WDPCP: variants seen among roughly 807,000 people sequenced by gnomAD.
WDPCP encodes WD repeat-containing and planar cell polarity effector protein fritz homolog.
A neutral mutation model predicts 93.1 loss-of-function variants in WDPCP; 71 were observed. That is an observed-to-expected ratio of 0.76 (90% CI 0.63 to 0.93). The LOEUF is 0.93. Ranked by LOEUF, WDPCP falls within the 40% of genes least tolerant of loss-of-function variation. WDPCP has a pLI of 0.00. For synonymous variants in WDPCP, 315 were observed against 315.0 expected, an observed-to-expected ratio of 1.00 and a Z score of 0.00; for missense variants, 844 against 887.4, an observed-to-expected ratio of 0.95 and a Z score of 0.62.
intron 13 of WDPCP, among the ~76,000 whole-genome samples, chr2:63,293,788 A>G (rs931296743): frequency 1.3e-5 from 2 of 152,342 alleles, no homozygotes; most frequent in South Asian, 4.1e-4. Context: ...AACTTTGAAG[A>G]CAGGACAATA....
intron 2 of WDPCP, among the ~76,000 whole-genome samples, chr2:63,710,959 A>C (rs190388716): frequency 6.6e-6 from 1 of 152,300 alleles, no homozygotes; most frequent in Admixed American, 6.5e-5. Context: ...CTGCAACATC[A>C]AGCTTCTATT....
chr2:63,810,293 T>C (rs975279397), intron 2 of WDPCP, among the ~76,000 whole-genome samples: 1 of 152,256 alleles, frequency 6.6e-6, no homozygotes, highest in Non-Finnish European at 1.5e-5. Flanking sequence ...CTATCACCTC[T>C]GTCCTGCTGT....
At chr2:63,219,595 T>C (rs762635431) in intron 14 of WDPCP, among the ~76,000 whole-genome samples, 1 of 152,274 alleles carries the variant, frequency 6.6e-6, no homozygotes, top group Non-Finnish European at 1.5e-5. Context: ...GTTAAAACTT[T>C]GGTTATTTAT....
At chr2:63,677,148 T>G (rs1710412414) in intron 2 of WDPCP, among the ~76,000 whole-genome samples, 1 of 152,228 alleles carries the variant, frequency 6.6e-6, no homozygotes, top group Non-Finnish European at 1.5e-5. Flanking sequence ...CAACCAGTAT[T>G]GAGAACCACT....
intron 14 of WDPCP, among the ~76,000 whole-genome samples, chr2:63,238,344 G>A (rs949597705): frequency 6.6e-6 from 1 of 152,080 alleles, no homozygotes; most frequent in Non-Finnish European, 1.5e-5. Flanking sequence ...TGTGACTACT[G>A]AATCTTGAAA....
intron 14 of WDPCP, among the ~76,000 whole-genome samples, chr2:63,252,778 G>C (rs546868798): frequency 6.6e-6 from 1 of 152,182 alleles, no homozygotes; most frequent in South Asian, 2.1e-4. Context: ...CCAACAAATG[G>C]AAAAACTTCC....
intron 12 of WDPCP, among the ~76,000 whole-genome samples, chr2:63,365,473 G>C (rs556842869): frequency 2.0e-5 from 3 of 152,108 alleles, no homozygotes; most frequent in Non-Finnish European, 4.4e-5. Context: ...ACAAAGTTAA[G>C]AAAAGTGAGA....
chr2:63,795,327 T>C (rs1363527830), intron 2 of WDPCP, among the ~76,000 whole-genome samples: 1 of 152,110 alleles, frequency 6.6e-6, no homozygotes, highest in African/African-American at 2.4e-5. Context: ...ACTTTGTACC[T>C]GAGCACAGCC....
At chr2:63,502,078 G>A (rs748326419) in intron 1 of WDPCP, among the ~76,000 whole-genome samples, 9 of 152,120 alleles carry the variant, frequency 5.9e-5, no homozygotes, top group Non-Finnish European at 1.2e-4. Context: ...TGTGGCATGC[G>A]GCCTTCCAGA....
intron 2 of WDPCP, among the ~76,000 whole-genome samples, chr2:63,712,509 C>A (rs900194200): frequency 1.3e-5 from 2 of 151,990 alleles, no homozygotes; most frequent in African/African-American, 4.8e-5. Flanking sequence ...AAGTGATAAC[C>A]TGGGATAAGG....
chr2:63,636,230 T>C (rs1230286859), intron 3 of WDPCP, among the ~76,000 whole-genome samples: 2 of 152,192 alleles, frequency 1.3e-5, no homozygotes, highest in Non-Finnish European at 2.9e-5. Context: ...TGGAAAGATA[T>C]CCCATGTTCA....
At chr2:63,449,378 C>G (rs967679868) in intron 6 of WDPCP, among the ~76,000 whole-genome samples, 2 of 152,282 alleles carry the variant, frequency 1.3e-5, no homozygotes, top group South Asian at 4.1e-4. Flanking sequence ...GATACCCCCC[C>G]ACTTTCCAGA....
At chr2:63,830,289 C>G (rs1671172795), upstream of WDPCP, among the ~76,000 whole-genome samples, 1 of 152,054 alleles carries the variant, frequency 6.6e-6, no homozygotes, top group Non-Finnish European at 1.5e-5. Context: ...CAGATCTTTA[C>G]TGGAACCTCA....
At chr2:63,394,395 T>C (rs1217763411) in intron 10 of WDPCP, among the ~76,000 whole-genome samples, 1 of 150,870 alleles carries the variant, frequency 6.6e-6, no homozygotes, top group East Asian at 1.9e-4. Context: ...AAACAGATGC[T>C]GGTGAGGGTG....
chr2:63,220,346 A>T (rs1245997759), intron 14 of WDPCP, among the ~76,000 whole-genome samples: 2 of 152,280 alleles, frequency 1.3e-5, no homozygotes, highest in East Asian at 3.9e-4. Flanking sequence ...AGGGGGCTAA[A>T]TCTGACTGAA....
At chr2:63,284,920 T>C (rs939384023) in intron 13 of WDPCP, among the ~76,000 whole-genome samples, 8 of 152,032 alleles carry the variant, frequency 5.3e-5, no homozygotes, top group Non-Finnish European at 7.4e-5. Flanking sequence ...CACATGGACA[T>C]AGACACACAA....
At chr2:63,289,856 C>T (rs1257162204) in intron 13 of WDPCP, among the ~76,000 whole-genome samples, 1 of 151,596 alleles carries the variant, frequency 6.6e-6, no homozygotes, top group Non-Finnish European at 1.5e-5. Context: ...TCTCTCTTAT[C>T]TCTGGTGATA....
intron 2 of WDPCP, among the ~76,000 whole-genome samples, chr2:63,693,196 C>T (rs1668913607): frequency 6.6e-6 from 1 of 151,966 alleles, no homozygotes; most frequent in African/African-American, 2.4e-5. Flanking sequence ...AGATGTCATA[C>T]AAAAATATAT....
At chr2:63,812,034 G>C (rs760444018) in intron 2 of WDPCP, among the ~76,000 whole-genome samples, 3 of 151,694 alleles carry the variant, frequency 2.0e-5, no homozygotes, top group Non-Finnish European at 1.5e-5. Context: ...CCAGCTAATT[G>C]TATTTTTTTT....
Sources: allele counts gnomAD v4.1 joint callset (sites outside exome capture counted in the v4.1 genomes callset), GRCh38; gene constraint gnomAD v4.1.1; transcripts MANE v1.5; gene names NCBI Gene and HGNC (gene_info 2026-07-23, HGNC 2026-07-21).